The following MAP3K10 variants were observed in gnomAD, a reference collection of about 807,000 sequenced individuals.
MAP3K10 encodes MKN28 derived nonreceptor_type serine/threonine kinase.
In MAP3K10, 22 loss-of-function variants were observed where a neutral mutation model predicts 75.0. The observed-to-expected ratio is 0.29, with a 90% CI of 0.21 to 0.42. The LOEUF (loss-of-function observed/expected upper bound fraction) is 0.42. Ranked by LOEUF, MAP3K10 falls within the 10% of genes least tolerant of loss-of-function variation. The probability of loss-of-function intolerance (pLI) is 1.00; values close to 1 mark genes in which losing one functional copy is unlikely to be tolerated. For missense variants in MAP3K10, 1,165 were observed against 1,379.8 expected (o/e 0.84, Z 2.47); for synonymous variants, 599 against 612.9 (o/e 0.98, Z 0.34).
In MAP3K10 at chr19:40,199,757, G is replaced by A. The variant is rs537660401; in HGVS notation, c.863+1202G>A. 1.9e-4 allele frequency among the ~76,000 whole-genome samples: 29 copies of A among 152,350 alleles called. No individual in the cohort carries two copies. In the South Asian group the frequency reaches 5.4e-3, roughly 28 times the overall value. On this transcript the variant is annotated intron_variant, in intron 2 of 9. Transcript: ENST00000253055. ...AGTACTTTGGGAGGCCAAGGTGGGA[G>A]GATCACTTGAGGCCAGGAATTTGAG...
At chr19:40,214,775 A>G (rs1234974607) in intron 9 of MAP3K10, among the ~76,000 whole-genome samples, 195 bp from the exon 10 acceptor site, 1 of 152,112 alleles carries the variant, frequency 6.6e-6, no homozygotes, top group African/African-American at 2.4e-5. Context: ...CACCCAGAGG[A>G]GCAAGCAGCT....
chr19:40,193,098 C>G (rs1972848226), intron 1 of MAP3K10, among the ~76,000 whole-genome samples: 1 of 152,216 alleles, frequency 6.6e-6, no homozygotes, highest in South Asian at 2.1e-4. Flanking sequence ...GTCAGTGTCT[C>G]TCAACCCCAG....
intron 1 of MAP3K10, among the ~76,000 whole-genome samples, chr19:40,197,902 G>T (rs1450972090): frequency 6.6e-6 from 1 of 152,078 alleles, no homozygotes; most frequent in African/African-American, 2.4e-5. Flanking sequence ...CAAGACCATG[G>T]CTCACTGCAG....
At position 40,214,237 on chromosome 19, in the gene MAP3K10, T is replaced by A. The variant is rs560984426; in HGVS notation, c.2542+16T>A. On this transcript the variant is annotated intron_variant, in intron 9 of 9. Coordinates refer to ENST00000253055, the MANE Select transcript of MAP3K10 (RefSeq NM_002446.4). ...CATGGCCCTGGTGAGTGAGGCGCCC[T>A]GCACCCAGGTCACAGAAAACCCCTT... 68 of 1,378,108 alleles carry A rather than the reference T, an allele frequency of 4.9e-5. 1 individual carries two copies. The African/African-American group carries it at 9.8e-4, about 20-fold the overall frequency. 85.4% of individuals were successfully genotyped at this position (1,378,108 alleles called of 1,614,324 possible).
At chr19:40,209,352 A>G (rs906387732) in intron 6 of MAP3K10, 133 bp downstream of exon 6, 2 of 598,168 alleles carry the variant, frequency 3.3e-6, no homozygotes, top group Non-Finnish European at 2.9e-6. Flanking sequence ...CCTCATTCTT[A>G]TCACAGGAAA....
At chr19:40,211,589 A>G (rs1199254716) in intron 6 of MAP3K10, among the ~76,000 whole-genome samples, 4 of 136,242 alleles carry the variant, frequency 2.9e-5, no homozygotes, top group African/African-American at 5.6e-5. Context: ...CATGTGATCT[A>G]TTTGCTCAGC....
Position 40,192,389 on chromosome 19 carries a change from G to A in MAP3K10, c.358G>A (p.Glu120Lys). Residue 120 changes from glutamate (E) to lysine (K), a missense_variant, in exon 1 of 10, where the codon GAG (glutamate) becomes AAG (lysine). By Grantham distance (56) the Glu-to-Lys change is moderately conservative (BLOSUM62 1). Around this residue, in one of 2 missense-constraint regions of MAP3K10, gnomAD observed 575 missense variants for 793.2 expected, o/e 0.72. Coordinates refer to ENST00000253055, the MANE Select transcript of MAP3K10 (RefSeq NM_002446.4). The surrounding 1 kb of genome is among the most constrained non-coding windows in gnomAD (Gnocchi z 7.1). ...GGTCTATCGGGCCCTGTGGCGTGGCGAGGAGGTGGCAGTCAAGGCCGCCCG... is the reference window on the plus strand; with the variant it reads ...GGTCTATCGGGCCCTGTGGCGTGGCAAGGAGGTGGCAGTCAAGGCCGCCCG... ...GKVYRALWRG[E>K]EVAVKAARLD... The A allele has an allele frequency of 6.2e-7, 1 of 1,613,878 alleles. No homozygotes were observed. Among genetic ancestry groups the A allele is most frequent in the Non-Finnish European group, 8.5e-7 (1 of 1,179,944 alleles).
chr19:40,214,998 C>T lies in MAP3K10; in HGVS notation c.2571C>T (p.Arg857=). The T allele has an allele frequency of 6.3e-7, 1 of 1,589,460 alleles. No homozygotes were observed. The highest frequency in any genetic ancestry group is 8.6e-7 in the Non-Finnish European group (1 of 1,164,896). ...PGPRDLLDFP[R]LPDPQALFPA... The stretch of plus-strand genomic sequence containing the variant: ...CTCGTGACCTTCTGGACTTCCCCCG[C>T]CTGCCCGACCCCCAGGCCCTGTTCC... The change falls in exon 10 of 10, where the codon CGC becomes CGT. Residue 857 remains arginine (R), a synonymous_variant. Coordinates refer to ENST00000253055, the MANE Select transcript of MAP3K10 (RefSeq NM_002446.4).
intron 2 of MAP3K10, among the ~76,000 whole-genome samples, chr19:40,200,654 T>G (rs916724777): frequency 1.4e-5 from 2 of 137,932 alleles, no homozygotes; most frequent in African/African-American, 2.7e-5. Flanking sequence ...AGTCTCACTC[T>G]GCCGCCCAGG....
intron 5 of MAP3K10, 85 bp downstream of exon 5, chr19:40,206,242 C>T (rs1439196184): frequency 1.4e-6 from 2 of 1,471,830 alleles, no homozygotes; most frequent in South Asian, 1.4e-5. Flanking sequence ...TTTTCTTTTT[C>T]AACTTGTTTT....
At chr19:40,197,836 TGTTTC>T (rs1443851387) in intron 1 of MAP3K10, among the ~76,000 whole-genome samples, 1 of 121,576 alleles carries the variant, frequency 8.2e-6, no homozygotes, top group Non-Finnish European at 2.0e-5. Context: ...CCTTGGCTGT[TGTTTC>T]TTTTTTTTGA....
At position 40,205,638 on chromosome 19, in the gene MAP3K10, A is replaced by G. The variant is rs2145085716; in HGVS notation, c.1189-273A>G. 5.7e-6 allele frequency: 3 copies of G among 525,582 alleles called. No homozygotes were observed. In the South Asian group the frequency reaches 9.5e-5, roughly 17 times the overall value. The allele number at this position is 525,582 out of a possible 1,614,324, so 32.6% of individuals were successfully genotyped here. ...TTGGATGATGGGTACAGGGGGGTGC[A>G]CTGTTCTCTGCTTTTGTGGATGTTT... On this transcript the variant is annotated intron_variant, in intron 4 of 9. Coordinates refer to ENST00000253055, the MANE Select transcript of MAP3K10 (RefSeq NM_002446.4). The surrounding 1 kb of genome is among the most constrained non-coding windows in gnomAD (Gnocchi z 4.3).
intron 2 of MAP3K10, among the ~76,000 whole-genome samples, chr19:40,199,015 C>G (rs919195445): frequency 4.6e-5 from 7 of 152,172 alleles, no homozygotes; most frequent in Admixed American, 2.0e-4. Flanking sequence ...TTGCAGTGGG[C>G]TGGGATTGGC....
At position 40,205,603 on chromosome 19, in the gene MAP3K10, A is replaced by G. The variant is rs1183152935; in HGVS notation, c.1188+307A>G. 5.6e-6 allele frequency: 3 copies of G among 533,262 alleles called. No homozygotes were observed. Among genetic ancestry groups the G allele is most frequent in the Admixed American group, 3.2e-5 (1 of 31,006 alleles). 33.0% of individuals were successfully genotyped at this position (533,262 alleles called of 1,614,324 possible). A position where few individuals can be genotyped will look rare whatever the true frequency, so the allele number is the denominator to read the frequency against. Reference sequence around the variant, plus strand: ...ATACAAGATTCGCAAAGCATAGGTAATTGTTGAAATTGGATGATGGGTACA... The same window carrying G: ...ATACAAGATTCGCAAAGCATAGGTAGTTGTTGAAATTGGATGATGGGTACA... On this transcript the variant is annotated intron_variant, in intron 4 of 9. Transcript: ENST00000253055. The surrounding 1 kb of genome is among the most constrained non-coding windows in gnomAD (Gnocchi z 4.3).
Position 40,192,374 on chromosome 19 carries a change from G to T in MAP3K10, c.343G>T (p.Ala115Ser). The change falls in exon 1 of 10, where the codon GCC (alanine) becomes TCC (serine). Residue 115 changes from alanine to serine, a missense_variant. Physicochemically the swap from Ala to Ser is moderately conservative, Grantham distance 99 (BLOSUM62 1). Around this residue, in one of 2 missense-constraint regions of MAP3K10, gnomAD observed 575 missense variants for 793.2 expected, o/e 0.72. Transcript: ENST00000253055. The surrounding 1 kb of genome is among the most constrained non-coding windows in gnomAD (Gnocchi z 7.1). Reference protein sequence around the residue: ...GVGGFGKVYRALWRGEEVAVK... With the variant: ...GVGGFGKVYRSLWRGEEVAVK... ...GGGGGGCTTTGGCAAGGTCTATCGGGCCCTGTGGCGTGGCGAGGAGGTGGC... is the reference window on the plus strand; with the variant it reads ...GGGGGGCTTTGGCAAGGTCTATCGGTCCCTGTGGCGTGGCGAGGAGGTGGC... 1 of 1,613,836 alleles carries T rather than the reference G, an allele frequency of 6.2e-7. No homozygotes were observed. Among genetic ancestry groups the T allele is most frequent in the African/African-American group, 1.3e-5 (1 of 75,044 alleles).
In MAP3K10 at chr19:40,213,527, G is replaced by A. The variant is rs369324782; in HGVS notation, c.1848G>A (p.Ala616=). ...CCTCTCCGGTTGCAGAGGAGTTCGC[G>A]GAGGCAGAGGATGGAGGCAGCAGCG... The part of the protein sequence containing the change: ...FASLNEMEEF[A]EAEDGGSSVP... Residue 616 remains alanine, a synonymous_variant, in exon 9 of 10, where the codon GCG becomes GCA. Coordinates refer to ENST00000253055, the MANE Select transcript of MAP3K10 (RefSeq NM_002446.4). The surrounding 1 kb of genome is among the most constrained non-coding windows in gnomAD (Gnocchi z 5.7). The A allele has an allele frequency of 1.9e-6, 3 of 1,611,988 alleles. No homozygotes were observed. The highest frequency in any genetic ancestry group is 2.5e-6 in the Non-Finnish European group (3 of 1,179,426).
At chr19:40,206,181 G>GC (rs772925511) in intron 5 of MAP3K10, 24 bp downstream of exon 5, 2 of 1,569,276 alleles carry the variant, frequency 1.3e-6, no homozygotes, top group African/African-American at 1.4e-5. Flanking sequence ...TCCCCAGAGC[G>GC]CCCCCCAAGA....
Position 40,205,973 on chromosome 19 carries a change from G to A in MAP3K10, c.1251G>A (p.Glu417=), listed in dbSNP as rs1012667400. Residue 417 remains glutamate (E), a synonymous_variant, in exon 5 of 10, where the codon GAG becomes GAA. Transcript: ENST00000253055. The surrounding 1 kb of genome is among the most constrained non-coding windows in gnomAD (Gnocchi z 4.3). ...RAAQEQRFQE[E]QLRRREQELA... The stretch of plus-strand genomic sequence containing the variant: ...CACAGGAGCAGCGCTTCCAGGAGGA[G>A]CAGCTGCGGCGGCGGGAGCAGGAGC... The A allele has an allele frequency of 1.2e-6, 2 of 1,609,760 alleles. No homozygotes were observed. Among genetic ancestry groups the A allele is most frequent in the Non-Finnish European group, 8.5e-7 (1 of 1,177,910 alleles).
At chr19:40,202,564 C>A (rs555214020) in intron 2 of MAP3K10, among the ~76,000 whole-genome samples, 5 of 152,208 alleles carry the variant, frequency 3.3e-5, no homozygotes, top group African/African-American at 1.2e-4. Context: ...ATAGTCTTTA[C>A]AGGATAGGGT....
Sources: allele counts gnomAD v4.1 joint callset (sites outside exome capture counted in the v4.1 genomes callset), GRCh38; gene constraint gnomAD v4.1.1; regional missense constraint gnomAD v4.1.1; non-coding constraint Gnocchi (gnomAD v3.1); transcripts MANE v1.5; gene names NCBI Gene and HGNC (gene_info 2026-07-23, HGNC 2026-07-21).